UNC5D: variants seen among roughly 807,000 people sequenced by gnomAD.
UNC5D encodes the protein netrin receptor UNC5D.
Under a neutral mutation model 105.4 loss-of-function variants are expected in UNC5D, and 39 were observed. The ratio of observed to expected loss-of-function variants is 0.37; its 90% CI spans 0.29 to 0.48. The LOEUF (loss-of-function observed/expected upper bound fraction) is 0.48. Among genes scored for constraint, UNC5D ranks in the 20% least tolerant of loss-of-function variants. The pLI, the probability that UNC5D is intolerant of heterozygous loss-of-function variation, is 0.98. For synonymous variants in UNC5D, 452 were observed against 450.4 expected, an observed-to-expected ratio of 1.00 and a Z score of -0.04; for missense variants, 991 against 1,202.4, an observed-to-expected ratio of 0.82 and a Z score of 2.60.
rs1359537980 is a variant in UNC5D, at chr8:35,686,637, A to C, written c.1012A>C (p.Arg338=). 13 of 1,607,592 alleles carry C rather than the reference A, an allele frequency of 8.1e-6. No individual in the cohort carries two copies. Among genetic ancestry groups the C allele is most frequent in the Non-Finnish European group, 1.1e-5 (13 of 1,178,234 alleles). Residue 338 remains arginine, a synonymous_variant, in exon 7 of 17, where the codon AGA becomes CGA. Transcript: ENST00000404895. ...RIRECTAPPP[R]NGGKFCEGLS... ...CCGGGAGTGCACAGCACCACCCCCG[A>C]GAAATGGGGGCAAATTCTGTGAAGG...
intron 13 of UNC5D, among the ~76,000 whole-genome samples, chr8:35,758,309 G>GT (rs1830605970): frequency 6.6e-6 from 1 of 152,178 alleles, no homozygotes; most frequent in African/African-American, 2.4e-5. Context: ...TAATTGAAAT[G>GT]TAAGTTTGAT....
intron 1 of UNC5D, among the ~76,000 whole-genome samples, chr8:35,419,913 T>C (rs1439670651): frequency 2.6e-5 from 4 of 152,188 alleles, no homozygotes; most frequent in Non-Finnish European, 4.4e-5. Context: ...AAGACCCAAA[T>C]TGAGCAGCCC....
chr8:35,441,359 C>A (rs568076998), intron 1 of UNC5D, among the ~76,000 whole-genome samples: 23 of 152,014 alleles, frequency 1.5e-4, no homozygotes, highest in African/African-American at 5.5e-4. Context: ...AGTTATTAAT[C>A]TCTTACTGTG....
chr8:35,540,033 T>G (rs1477179460), intron 1 of UNC5D, among the ~76,000 whole-genome samples: 1 of 152,148 alleles, frequency 6.6e-6, no homozygotes, highest in Non-Finnish European at 1.5e-5. Context: ...AAAACAACCA[T>G]TTTTCCATAA....
chr8:35,759,608 C>G, intron 14 of UNC5D, 139 bp downstream of exon 14: 1 of 979,762 alleles, frequency 1.0e-6, no homozygotes, highest in South Asian at 1.6e-5. Flanking sequence ...AGAAATGTAA[C>G]AGTTTGGACT....
At chr8:35,635,304 C>G (rs1345537269) in intron 4 of UNC5D, among the ~76,000 whole-genome samples, 1 of 152,158 alleles carries the variant, frequency 6.6e-6, no homozygotes, top group Non-Finnish European at 1.5e-5. Context: ...ATTGATACCT[C>G]TCTTGCTGTC....
At chr8:35,660,790 C>T (rs1253940910) in intron 4 of UNC5D, among the ~76,000 whole-genome samples, 1 of 152,170 alleles carries the variant, frequency 6.6e-6, no homozygotes, top group Non-Finnish European at 1.5e-5. Context: ...CTGCCCAATG[C>T]CCAACTCTAC....
intron 11 of UNC5D, among the ~76,000 whole-genome samples, chr8:35,736,693 GT>G (rs1467597543): frequency 6.6e-6 from 1 of 152,192 alleles, no homozygotes; most frequent in Non-Finnish European, 1.5e-5. Context: ...AGAAATAACA[GT>G]TGTCTTATAA....
intron 4 of UNC5D, among the ~76,000 whole-genome samples, chr8:35,668,317 T>C (rs533364441): frequency 1.3e-5 from 2 of 152,224 alleles, no homozygotes; most frequent in Non-Finnish European, 2.9e-5. Flanking sequence ...TACATACTGG[T>C]TCAACATACT....
At chr8:35,540,290 T>C (rs1212143144) in intron 1 of UNC5D, among the ~76,000 whole-genome samples, 1 of 152,208 alleles carries the variant, frequency 6.6e-6, no homozygotes, top group East Asian at 1.9e-4. Flanking sequence ...ATAAATCTTA[T>C]AATCTTATTC....
intron 1 of UNC5D, among the ~76,000 whole-genome samples, chr8:35,402,820 C>T (rs1200090597): frequency 6.6e-6 from 1 of 152,050 alleles, no homozygotes; most frequent in Non-Finnish European, 1.5e-5. Context: ...AGTACTGTGG[C>T]CCTTAAGGGA....
chr8:35,494,317 T>C (rs867062367), intron 1 of UNC5D, among the ~76,000 whole-genome samples: 13 of 152,160 alleles, frequency 8.5e-5, no homozygotes, highest in Non-Finnish European at 2.9e-5. Context: ...ATGAAATAAG[T>C]TATTAAACAC....
At chr8:35,505,739 T>A (rs1465251932) in intron 1 of UNC5D, among the ~76,000 whole-genome samples, 1 of 152,194 alleles carries the variant, frequency 6.6e-6, no homozygotes, top group African/African-American at 2.4e-5. Flanking sequence ...CGAGATGGTT[T>A]TATTTTTAAA....
intron 1 of UNC5D, among the ~76,000 whole-genome samples, chr8:35,400,604 A>G (rs1804397305): frequency 6.6e-6 from 1 of 152,186 alleles, no homozygotes; most frequent in Non-Finnish European, 1.5e-5. Flanking sequence ...TTCCTCGGTC[A>G]TTAGGGTAAC....
At chr8:35,606,768 T>A (rs1271005814) in intron 4 of UNC5D, among the ~76,000 whole-genome samples, 1 of 152,242 alleles carries the variant, frequency 6.6e-6, no homozygotes, top group Non-Finnish European at 1.5e-5. Context: ...AAATACATTT[T>A]GTTTCATAAA....
chr8:35,238,993 GAGAA>G (rs1314186912), intron 1 of UNC5D, among the ~76,000 whole-genome samples: 2 of 152,128 alleles, frequency 1.3e-5, no homozygotes, highest in African/African-American at 4.8e-5. Context: ...CTAGGACTAT[GAGAA>G]AGAGTCTTTT....
At chr8:35,753,895 T>C (rs1056858061) in intron 13 of UNC5D, among the ~76,000 whole-genome samples, 2 of 152,250 alleles carry the variant, frequency 1.3e-5, no homozygotes, top group African/African-American at 4.8e-5. Flanking sequence ...CTCCTCCGTC[T>C]TAGTTTCTGG....
At chr8:35,483,279 TCTTC>T (rs1291751855) in intron 1 of UNC5D, among the ~76,000 whole-genome samples, 1 of 152,158 alleles carries the variant, frequency 6.6e-6, no homozygotes, top group African/African-American at 2.4e-5. Flanking sequence ...TCTGAAAAAC[TCTTC>T]CTTCCTGGTT....
intron 7 of UNC5D, among the ~76,000 whole-genome samples, chr8:35,688,473 G>T (rs2131362305): frequency 6.6e-6 from 1 of 152,278 alleles, no homozygotes; most frequent in Middle Eastern, 3.4e-3. Context: ...ATTGAAATGA[G>T]CACTTCCTGA....
Sources: allele counts gnomAD v4.1 joint callset (sites outside exome capture counted in the v4.1 genomes callset), GRCh38; gene constraint gnomAD v4.1.1; transcripts MANE v1.5; gene names NCBI Gene and HGNC (gene_info 2026-07-23, HGNC 2026-07-21).